GABRB3: variants seen among roughly 807,000 people sequenced by gnomAD.
The protein encoded by GABRB3 is gamma-aminobutyric acid type A receptor subunit beta3.
In GABRB3, 14 loss-of-function variants were observed where a neutral mutation model predicts 52.1. The observed-to-expected ratio is 0.27, with a 90% CI of 0.18 to 0.42. The LOEUF is 0.42. Ranked by LOEUF, GABRB3 falls within the 10% of genes least tolerant of loss-of-function variation. The pLI, the probability that GABRB3 is intolerant of heterozygous loss-of-function variation, is 1.00. For missense variants in GABRB3, 307 were observed against 609.1 expected (o/e 0.50, Z 5.22); for synonymous variants, 260 against 232.3 (o/e 1.12, Z -1.08).
At chr15:26,602,909 A>G (rs1430927895) in intron 4 of GABRB3, among the ~76,000 whole-genome samples, 2 of 152,186 alleles carry the variant, frequency 1.3e-5, no homozygotes, top group East Asian at 1.9e-4. Context: ...AAGAAATAAT[A>G]AAGATCAGAG....
chr15:26,606,816 A>AGATATATT (rs1555370536), intron 4 of GABRB3, among the ~76,000 whole-genome samples: 15 of 57,430 alleles, frequency 2.6e-4, no homozygotes, highest in South Asian at 9.3e-4. Context: ...ATAGATAGAT[A>AGATATATT]GATAGATAGA....
At chr15:26,606,869 C>A (rs1891857196) in intron 4 of GABRB3, among the ~76,000 whole-genome samples, 1 of 113,632 alleles carries the variant, frequency 8.8e-6, no homozygotes, top group Non-Finnish European at 1.9e-5. Context: ...TAAATATGGC[C>A]TGAGAAGGAC....
Position 26,621,423 on chromosome 15 carries a change from C to G in GABRB3, c.352G>C (p.Val118Leu), listed in dbSNP as rs1281101862. 1 of 1,614,012 alleles carries G rather than the reference C, an allele frequency of 6.2e-7. No individual in the cohort carries two copies. Among genetic ancestry groups the G allele is most frequent in the East Asian group, 2.2e-5 (1 of 44,882 alleles). The change falls in exon 4 of 9, where the codon GTG becomes CTG. Residue 118 changes from valine to leucine, a missense_variant. Transcript: ENST00000311550. This position sits in a 1 kb window ranked among gnomAD's most constrained non-coding sequence, Gnocchi z 4.1. Reference protein sequence around the residue: ...LDNRVADQLWVPDTYFLNDKK... With the variant: ...LDNRVADQLWLPDTYFLNDKK... ...TCATTTAAGAAATATGTGTCGGGCACCCATAGCTGGTCAGCCACTCGATTG... is the reference window on the plus strand; with the variant it reads ...TCATTTAAGAAATATGTGTCGGGCAGCCATAGCTGGTCAGCCACTCGATTG...
chr15:26,680,041 C>G (rs946617861), intron 3 of GABRB3, among the ~76,000 whole-genome samples: 8 of 152,198 alleles, frequency 5.3e-5, no homozygotes, highest in African/African-American at 1.9e-4. Context: ...TGCTATGGAG[C>G]TATTTTTCAG....
intron 3 of GABRB3, among the ~76,000 whole-genome samples, chr15:26,697,172 G>T (rs148744559): frequency 6.6e-6 from 1 of 152,194 alleles, no homozygotes; most frequent in East Asian, 1.9e-4. Flanking sequence ...GTAATTCTAA[G>T]ATTTCAATTA....
intron 4 of GABRB3, among the ~76,000 whole-genome samples, chr15:26,594,004 A>ATATATATATATATATAT (rs1566764220): frequency 7.8e-6 from 1 of 128,340 alleles, no homozygotes; most frequent in African/African-American, 3.6e-5. Flanking sequence ...ATATATATAT[A>ATATATATATATATATAT]ATAGCCATCC....
intron 3 of GABRB3, among the ~76,000 whole-genome samples, chr15:26,701,436 C>G (rs567394950): frequency 6.6e-6 from 1 of 152,276 alleles, no homozygotes; most frequent in Admixed American, 6.5e-5. Flanking sequence ...AATTTTATTT[C>G]TGTATACTAG....
chr15:26,679,294 T>C (rs1888165392), intron 3 of GABRB3, among the ~76,000 whole-genome samples: 1 of 152,218 alleles, frequency 6.6e-6, no homozygotes, highest in Non-Finnish European at 1.5e-5. Flanking sequence ...GAAATCTGTT[T>C]CTGACCTCCT....
intron 4 of GABRB3, among the ~76,000 whole-genome samples, chr15:26,620,164 A>G (rs1056941933): frequency 6.6e-6 from 1 of 152,072 alleles, no homozygotes; most frequent in Non-Finnish European, 1.5e-5. Context: ...AATGCTGAAA[A>G]CTTCCCAAAG....
At chr15:26,772,017 C>G (rs1390335411) in intron 3 of GABRB3, 1 of 212,214 alleles carries the variant, frequency 4.7e-6, no homozygotes, top group African/African-American at 2.3e-5. Context: ...TAGGAGCCAC[C>G]CCCACATCTC....
At chr15:26,580,563 T>A in intron 5 of GABRB3, 107 bp from the exon 6 acceptor site, 1 of 1,402,672 alleles carries the variant, frequency 7.1e-7, no homozygotes, top group Non-Finnish European at 1.0e-6. Flanking sequence ...ATGTTTTGAG[T>A]AGATTTGCTT....
intron 3 of GABRB3, chr15:26,642,637 A>G (rs1367062472): frequency 2.0e-6 from 1 of 510,022 alleles, no homozygotes; most frequent in African/African-American, 2.1e-5. Flanking sequence ...ACCTGCATAT[A>G]TAAGCATATA....
intron 3 of GABRB3, among the ~76,000 whole-genome samples, chr15:26,709,941 T>C (rs1277975027): frequency 6.6e-6 from 1 of 152,204 alleles, no homozygotes; most frequent in Non-Finnish European, 1.5e-5. Flanking sequence ...TCCTCATGCA[T>C]TTTTGCAGTC....
At position 26,553,936 on chromosome 15, in the gene GABRB3, G is replaced by A. The variant is rs567536947; in HGVS notation, c.1081-5802C>T. On this transcript the variant is annotated intron_variant, in intron 8 of 8. Coordinates refer to ENST00000311550, the MANE Select transcript of GABRB3 (RefSeq NM_000814.6). ...GTTGCCTAGGCTTGAGTCCAGTGGC[G>A]TGACCATAGCTCACAGCAGCCCCAA... Among the ~76,000 whole-genome samples the A allele has an allele frequency of 1.4e-4, 21 of 145,228 alleles. No individual in the cohort carries two copies. In the East Asian group the frequency reaches 1.6e-3, roughly 11 times the overall value.
intron 3 of GABRB3, among the ~76,000 whole-genome samples, chr15:26,660,581 T>A (rs1887511099): frequency 6.6e-6 from 1 of 152,186 alleles, no homozygotes; most frequent in Non-Finnish European, 1.5e-5. Context: ...CTGTTTATCA[T>A]ACAGAGAGAA....
intron 3 of GABRB3, among the ~76,000 whole-genome samples, chr15:26,665,888 G>C (rs1409208782): frequency 1.3e-5 from 2 of 152,136 alleles, no homozygotes; most frequent in African/African-American, 4.8e-5. Flanking sequence ...TATTTATAAT[G>C]GATGATAACA....
chr15:26,704,866 A>T (rs1397729427), intron 3 of GABRB3, among the ~76,000 whole-genome samples: 2 of 152,198 alleles, frequency 1.3e-5, no homozygotes, highest in Non-Finnish European at 2.9e-5. Flanking sequence ...AAGGAGAATG[A>T]GGCTTTCCCT....
At chr15:26,715,820 T>C (rs994909549) in intron 3 of GABRB3, among the ~76,000 whole-genome samples, 5 of 152,182 alleles carry the variant, frequency 3.3e-5, no homozygotes, top group Non-Finnish European at 4.4e-5. Flanking sequence ...ATTAAAAACA[T>C]CCATGGTCTG....
At chr15:26,609,523 T>C (rs1387863000) in intron 4 of GABRB3, among the ~76,000 whole-genome samples, 1 of 152,216 alleles carries the variant, frequency 6.6e-6, no homozygotes, top group Non-Finnish European at 1.5e-5. Context: ...AACTCATTCC[T>C]TTTATTGTAT....
Sources: allele counts gnomAD v4.1 joint callset (sites outside exome capture counted in the v4.1 genomes callset), GRCh38; gene constraint gnomAD v4.1.1; non-coding constraint Gnocchi (gnomAD v3.1); transcripts MANE v1.5; gene names NCBI Gene and HGNC (gene_info 2026-07-23, HGNC 2026-07-21).